Variants in SATB1 observed in about 807,000 individuals in gnomAD.
SATB1 encodes SATB homeobox 1.
A neutral mutation model predicts 86.9 loss-of-function variants in SATB1; 11 were observed. The ratio of observed to expected loss-of-function variants is 0.13; its 90% confidence interval spans 0.08 to 0.21. The LOEUF (loss-of-function observed/expected upper bound fraction) is 0.21, where lower values mean the gene tolerates loss of function less well. SATB1 is among the 10% of genes least tolerant of loss of function. The pLI is 1.00. For missense variants in SATB1, 551 were observed against 937.6 expected, an observed-to-expected ratio of 0.59 and a Z score of 5.39; for synonymous variants, 357 against 357.2, an observed-to-expected ratio of 1.00 and a Z score of 0.01.
At chr3:18,398,631 T>C (rs1000896168) in intron 5 of SATB1, among the ~76,000 whole-genome samples, 2 of 152,288 alleles carry the variant, frequency 1.3e-5, no homozygotes, top group East Asian at 3.9e-4. Context: ...ATATGTAAAT[T>C]TGGGGGATCT....
chr3:18,385,468 A>G lies in SATB1; in HGVS notation c.1419+931T>C, dbSNP rs373983115. 1.6e-3 allele frequency among the ~76,000 whole-genome samples: 242 copies of G among 152,018 alleles called. 4 individuals are homozygous for G. In the South Asian group the frequency reaches 0.038, roughly 24 times the overall value. The stretch of plus-strand genomic sequence containing the variant: ...AAACCCCGTCTCTACTAAAAACACA[A>G]AAAAATTAGCTGGGCGTGGTGGCAG... On this transcript the variant is annotated intron_variant, in intron 8 of 10. Transcript: ENST00000338745.
chr3:18,416,187 T>A (rs1333602079), intron 3 of SATB1, 54 bp from the exon 4 acceptor site: 2 of 1,454,056 alleles, frequency 1.4e-6, no homozygotes, highest in Non-Finnish European at 1.9e-6. Flanking sequence ...AGATAATATA[T>A]CTACTAGAAG....
chr3:18,400,578 T>G (rs1053722733), intron 5 of SATB1, among the ~76,000 whole-genome samples: 1 of 152,152 alleles, frequency 6.6e-6, no homozygotes. Flanking sequence ...GGCAAGTCAC[T>G]AGGAAAATAA....
chr3:18,394,367 A>T lies in SATB1; in HGVS notation c.1206+95T>A. 2.0e-6 allele frequency: 2 copies of T among 1,010,498 alleles called. No homozygotes were observed. Among genetic ancestry groups the T allele is most frequent in the Non-Finnish European group, 3.0e-6 (2 of 662,622 alleles). The allele number at this position is 1,010,498 out of a possible 1,614,324, so 62.6% of individuals were successfully genotyped here. Reference sequence around the variant, plus strand: ...CACATGAAGAGAGAGAGAAAATGTTAGTACAGAAGTAAAAGAATAAACTTT... The same window carrying T: ...CACATGAAGAGAGAGAGAAAATGTTTGTACAGAAGTAAAAGAATAAACTTT... On this transcript the variant is annotated intron_variant, in intron 7 of 10. Transcript: ENST00000338745. This position sits in a 1 kb window ranked among gnomAD's most constrained non-coding sequence, Gnocchi z 5.9.
Position 18,347,319 on chromosome 3 carries a change from C to G in SATB1, c.*1851G>C, listed in dbSNP as rs1694105294. 2 of 152,128 alleles carry G rather than the reference C, an allele frequency of 1.3e-5. No individual in the cohort carries two copies. The highest frequency in any genetic ancestry group is 4.8e-5 in the African/African-American group (2 of 41,418). The allele number at this position is 152,128 out of a possible 1,614,324, so 9.4% of individuals were successfully genotyped here. A position where few individuals can be genotyped will look rare whatever the true frequency, so the allele number is the denominator to read the frequency against. On this transcript the variant is annotated 3_prime_UTR_variant, in exon 11 of 11. Transcript: ENST00000338745. ...GTAATGCTGGCCTCAATCCTGTGACCATTAGCACACCTCATTTTATATTCT... is the reference window on the plus strand; with the variant it reads ...GTAATGCTGGCCTCAATCCTGTGACGATTAGCACACCTCATTTTATATTCT...
intron 8 of SATB1, among the ~76,000 whole-genome samples, chr3:18,380,280 A>C (rs1695980237): frequency 6.6e-6 from 1 of 152,236 alleles, no homozygotes; most frequent in Admixed American, 6.5e-5. Context: ...GCTAAGCAAT[A>C]GTTAAAAGAA....
At chr3:18,438,181 A>G (rs1699128721) in intron 1 of SATB1, among the ~76,000 whole-genome samples, 1 of 152,168 alleles carries the variant, frequency 6.6e-6, no homozygotes, top group Non-Finnish European at 1.5e-5. Flanking sequence ...CCAAATTGTC[A>G]TTTACATGCT....
At chr3:18,415,913 A>T in intron 4 of SATB1, 94 bp downstream of exon 4, 1 of 1,097,986 alleles carries the variant, frequency 9.1e-7, no homozygotes. Context: ...AACACAGACT[A>T]AAAAAAAATT....
intron 5 of SATB1, among the ~76,000 whole-genome samples, chr3:18,408,059 ATCTTT>A (rs1276057594): frequency 6.6e-6 from 1 of 152,078 alleles, no homozygotes; most frequent in Admixed American, 6.6e-5. Context: ...TAAAGCTTTA[ATCTTT>A]TCTTAACTTC....
intron 8 of SATB1, among the ~76,000 whole-genome samples, chr3:18,382,006 A>G (rs1309176704): frequency 9.9e-5 from 15 of 152,196 alleles, no homozygotes; most frequent in Admixed American, 9.8e-4. Flanking sequence ...CATAAGCAAC[A>G]TCTTAAAATG....
At chr3:18,393,698 T>A (rs932487870) in intron 7 of SATB1, among the ~76,000 whole-genome samples, 4 of 152,156 alleles carry the variant, frequency 2.6e-5, no homozygotes, top group Admixed American at 1.3e-4. Context: ...TTATAAATAG[T>A]TTTACTGAAA....
At chr3:18,429,723 T>C (rs571594929), upstream of SATB1, among the ~76,000 whole-genome samples, 1 of 152,328 alleles carries the variant, frequency 6.6e-6, no homozygotes, top group African/African-American at 2.4e-5. This position sits in a 1 kb window ranked among gnomAD's most constrained non-coding sequence, Gnocchi z 4.1. Flanking sequence ...GCCCCCATTA[T>C]ATACCCTCAC....
Position 18,424,361 on chromosome 3 carries a change from C to G in SATB1, c.-759G>C, listed in dbSNP as rs1698553497. 1 of 147,818 alleles carries G rather than the reference C, an allele frequency of 6.8e-6. No individual in the cohort carries two copies. The highest frequency in any genetic ancestry group is 2.3e-4 in the South Asian group (1 of 4,412). The allele number at this position is 147,818 out of a possible 1,614,324, so 9.2% of individuals were successfully genotyped here. A position where few individuals can be genotyped will look rare whatever the true frequency, so the allele number is the denominator to read the frequency against. On this transcript the variant is annotated 5_prime_UTR_variant, in exon 1 of 11. Transcript: ENST00000338745. Reference sequence around the variant, plus strand: ...ACAATCGCGACTAATATTAACAAACCTTAAACTTTTCCCCACAGCCTCGCA... The same window carrying G: ...ACAATCGCGACTAATATTAACAAACGTTAAACTTTTCCCCACAGCCTCGCA...
chr3:18,412,548 G>A (rs1480730469), intron 5 of SATB1, among the ~76,000 whole-genome samples: 2 of 152,000 alleles, frequency 1.3e-5, no homozygotes, highest in African/African-American at 4.8e-5. Flanking sequence ...TGTATTGCAT[G>A]CTAAAGGTTC....
chr3:18,384,750 T>C (rs1696242309), intron 8 of SATB1, among the ~76,000 whole-genome samples: 1 of 152,210 alleles, frequency 6.6e-6, no homozygotes, highest in Non-Finnish European at 1.5e-5. Context: ...TTAGAAGTCA[T>C]ATTTTTTATA....
chr3:18,417,556 C>G, intron 2 of SATB1: 1 of 632,438 alleles, frequency 1.6e-6, no homozygotes, highest in African/African-American at 1.8e-5. Context: ...TCTTCGACCA[C>G]GAAATTTTCA....
chr3:18,358,555 A>C (rs192205945), intron 9 of SATB1, among the ~76,000 whole-genome samples: 7 of 152,050 alleles, frequency 4.6e-5, no homozygotes, highest in Non-Finnish European at 1.0e-4. Flanking sequence ...AAACATGGAA[A>C]ATAAATTTGA....
chr3:18,405,941 T>C (rs1029018291), intron 5 of SATB1, among the ~76,000 whole-genome samples: 6 of 152,002 alleles, frequency 3.9e-5, no homozygotes, highest in African/African-American at 1.4e-4. Flanking sequence ...TTCATCTCAA[T>C]CAATATTATG....
chr3:18,379,716 C>G (rs1432975959), intron 8 of SATB1, among the ~76,000 whole-genome samples: 1 of 152,262 alleles, frequency 6.6e-6, no homozygotes, highest in African/African-American at 2.4e-5. Flanking sequence ...AATAATTCAC[C>G]TCTTGCTTAT....
Sources: gnomAD v4.1 joint callset for allele counts (sites outside exome capture counted in the v4.1 genomes callset) on GRCh38, gnomAD v4.1.1 for gene constraint, Gnocchi (gnomAD v3.1) non-coding constraint, MANE v1.5 for transcripts, NCBI Gene and HGNC (gene_info 2026-07-23, HGNC 2026-07-21) for gene names.